Variants in OR2L13 observed in about 807,000 individuals in gnomAD.
OR2L13 encodes the protein olfactory receptor 2L13.
Under a neutral mutation model 15.3 loss-of-function variants are expected in OR2L13, and 14 were observed. The observed-to-expected ratio is 0.91, with a 90% CI of 0.60 to 1.43. OR2L13 has a LOEUF of 1.43. Ranked by LOEUF, OR2L13 falls within the 40% of genes most tolerant of loss-of-function variation. The pLI, the probability that OR2L13 is intolerant of heterozygous loss-of-function variation, is 0.00. For missense variants in OR2L13, 367 were observed against 387.9 expected, an observed-to-expected ratio of 0.95 and a Z score of 0.45; for synonymous variants, 152 against 142.9, an observed-to-expected ratio of 1.06 and a Z score of -0.45.
the OR2L13 span, among the ~76,000 whole-genome samples, chr1:248,073,247 C>G: frequency 6.6e-6 from 1 of 152,144 alleles, no homozygotes; most frequent in African/African-American, 2.4e-5. Flanking sequence ...CAATGATAGA[C>G]TGGATTAAGA....
chr1:248,098,875 A>G (rs576711630), intron 2 of OR2L13, 100 bp downstream of exon 2: 3 of 153,266 alleles, frequency 2.0e-5, no homozygotes, highest in African/African-American at 7.2e-5. Flanking sequence ...GGTGGTGTAA[A>G]GAGAAAAAGA....
chr1:247,993,762 G>GGAGAGA, the OR2L13 span, among the ~76,000 whole-genome samples: 1 of 53,636 alleles, frequency 1.9e-5, no homozygotes, highest in Non-Finnish European at 3.4e-5. Context: ...AGAGAGAGGG[G>GGAGAGA]GAGAGAGAGA....
the OR2L13 span, chr1:247,949,620 G>T: frequency 4.3e-6 from 7 of 1,613,804 alleles, no homozygotes; most frequent in Non-Finnish European, 5.9e-6. Flanking sequence ...TGCACCTTTT[G>T]TCTACACTTA....
chr1:248,029,810 A>G, the OR2L13 span, among the ~76,000 whole-genome samples: 8 of 152,222 alleles, frequency 5.3e-5, no homozygotes, highest in Admixed American at 4.6e-4. Context: ...TAGAAACACG[A>G]AAACATTGAC....
At chr1:247,959,443 G>A in the OR2L13 span, among the ~76,000 whole-genome samples, 121,366 of 151,980 alleles carry the variant, frequency 0.8, 52,642 homozygotes, top group South Asian at 0.95. Context: ...TTCTCAAGAA[G>A]TATCTTTGTG....
the OR2L13 span, chr1:248,003,421 G>A: frequency 6.2e-7 from 1 of 1,610,044 alleles, no homozygotes. Context: ...CTGGGTGTGG[G>A]ATTCAGAGTT....
At chr1:248,074,161 C>T in the OR2L13 span, among the ~76,000 whole-genome samples, 4 of 151,954 alleles carry the variant, frequency 2.6e-5, no homozygotes, top group Admixed American at 1.3e-4. Context: ...ATTTTGGCCA[C>T]AGATATAAAG....
chr1:248,015,957 A>C, the OR2L13 span, among the ~76,000 whole-genome samples: 2 of 152,168 alleles, frequency 1.3e-5, no homozygotes, highest in Admixed American at 1.3e-4. Flanking sequence ...TCTAGACACA[A>C]GAGAACCATC....
At chr1:247,944,628 G>A in the OR2L13 span, among the ~76,000 whole-genome samples, 1 of 152,132 alleles carries the variant, frequency 6.6e-6, no homozygotes, top group Non-Finnish European at 1.5e-5. Flanking sequence ...TCCCTGCAAA[G>A]GACATGATCT....
At chr1:248,018,872 G>C in the OR2L13 span, among the ~76,000 whole-genome samples, 43 of 152,240 alleles carry the variant, frequency 2.8e-4, no homozygotes, top group African/African-American at 8.4e-4. Context: ...GACTACTCTG[G>C]ATACTTCATG....
chr1:248,069,725 A>G, the OR2L13 span, among the ~76,000 whole-genome samples: 3 of 152,156 alleles, frequency 2.0e-5, no homozygotes, highest in Admixed American at 6.5e-5. Flanking sequence ...GTATTCAGGA[A>G]ACCTATCTCA....
At chr1:248,077,470 C>T in the OR2L13 span, among the ~76,000 whole-genome samples, 1 of 152,156 alleles carries the variant, frequency 6.6e-6, no homozygotes, top group African/African-American at 2.4e-5. Context: ...TCTGTCTGGT[C>T]CTGGACTTTT....
At chr1:248,077,197 T>C in the OR2L13 span, among the ~76,000 whole-genome samples, 1 of 152,224 alleles carries the variant, frequency 6.6e-6, no homozygotes, top group Non-Finnish European at 1.5e-5. Context: ...GAAGCCCACT[T>C]GATCATGGTG....
chr1:248,038,743 C>T, the OR2L13 span: 2 of 1,614,004 alleles, frequency 1.2e-6, no homozygotes, highest in East Asian at 2.2e-5. Flanking sequence ...TGTGCTCACA[C>T]AGTATATGCA....
At chr1:247,967,979 T>C in the OR2L13 span, among the ~76,000 whole-genome samples, 2,587 of 152,098 alleles carry the variant, frequency 0.017, 40 homozygotes, top group South Asian at 0.056. Flanking sequence ...CTCCTCTCGT[T>C]CTCCTTCTTC....
At chr1:248,062,151 A>G in the OR2L13 span, 3 of 153,288 alleles carry the variant, frequency 2.0e-5, no homozygotes, top group Non-Finnish European at 4.4e-5. Context: ...AGAGCTCATC[A>G]GGGATTCTTA....
rs143001777 is a variant in OR2L13, at chr1:248,099,953, T to G, written c.578T>G (p.Val193Gly). The change falls in exon 3 of 3, where the codon GTC (valine) becomes GGC (glycine). Residue 193 changes from valine (V) to glycine (G), a missense_variant. Transcript: ENST00000641714. Reference sequence around the variant, plus strand: ...CTTCTTGCCTGTACAGATACTTGGGTCTATGAATATATGGTTTTTGTAAGT... The same window carrying G: ...CTTCTTGCCTGTACAGATACTTGGGGCTATGAATATATGGTTTTTGTAAGT... 1.1e-4 allele frequency: 172 copies of G among 1,613,990 alleles called. No individual in the cohort carries two copies. Among genetic ancestry groups the G allele is most frequent in the Non-Finnish European group, 1.3e-4 (156 of 1,179,970 alleles).
At chr1:248,047,850 G>A in the OR2L13 span, among the ~76,000 whole-genome samples, 1 of 152,090 alleles carries the variant, frequency 6.6e-6, no homozygotes, top group African/African-American at 2.4e-5. Context: ...AAACTTGCAG[G>A]TTCTCTTCAG....
chr1:248,035,787 AC>A, the OR2L13 span, among the ~76,000 whole-genome samples: 2 of 151,836 alleles, frequency 1.3e-5, no homozygotes, highest in Admixed American at 6.6e-5. Flanking sequence ...CAACATCACT[AC>A]CCCCACACTC....
Sources: gnomAD v4.1 joint callset for allele counts (sites outside exome capture counted in the v4.1 genomes callset) on GRCh38, gnomAD v4.1.1 for gene constraint, MANE v1.5 for transcripts, NCBI Gene and HGNC (gene_info 2026-07-23, HGNC 2026-07-21) for gene names.